SLC4A4: variants seen among roughly 807,000 people sequenced by gnomAD.
SLC4A4 encodes solute carrier family 4 member 4.
A neutral mutation model predicts 111.5 loss-of-function variants in SLC4A4; 27 were observed. The observed-to-expected ratio is 0.24, with a 90% CI of 0.18 to 0.33. SLC4A4 has a LOEUF of 0.33. SLC4A4 is among the 10% of genes least tolerant of loss of function. The pLI, the probability that SLC4A4 is intolerant of heterozygous loss-of-function variation, is 1.00. For missense variants in SLC4A4, 909 were observed against 1,315.5 expected (o/e 0.69, Z 4.78); for synonymous variants, 443 against 463.4 (o/e 0.96, Z 0.57).
intron 14 of SLC4A4, among the ~76,000 whole-genome samples, chr4:71,475,481 G>A (rs1266474737): frequency 6.6e-6 from 1 of 151,890 alleles, no homozygotes; most frequent in Non-Finnish European, 1.5e-5. Context: ...GCTGACATAA[G>A]TGGTGATAGC....
intron 3 of SLC4A4, among the ~76,000 whole-genome samples, chr4:71,308,836 G>A (rs1725906230): frequency 1.3e-5 from 2 of 152,154 alleles, no homozygotes; most frequent in African/African-American, 2.4e-5. Flanking sequence ...TACCCCAGTA[G>A]TTCCTGGAAC....
At chr4:71,432,778 A>T (rs1393773271) in intron 7 of SLC4A4, among the ~76,000 whole-genome samples, 1 of 152,076 alleles carries the variant, frequency 6.6e-6, no homozygotes, top group Admixed American at 6.6e-5. Flanking sequence ...CTTAGGGATT[A>T]GTTCTCATGC....
At chr4:71,089,765 C>G (rs1162029782) in intron 1 of SLC4A4, among the ~76,000 whole-genome samples, 1 of 151,956 alleles carries the variant, frequency 6.6e-6, no homozygotes, top group East Asian at 1.9e-4. Flanking sequence ...GAAATTTTGT[C>G]TCAGAGGAGT....
chr4:71,220,630 A>G (rs1718686057), intron 1 of SLC4A4, among the ~76,000 whole-genome samples: 1 of 152,172 alleles, frequency 6.6e-6, no homozygotes, highest in Non-Finnish European at 1.5e-5. Flanking sequence ...ATCTCAACCC[A>G]TGTGTCACAT....
chr4:71,419,295 G>A (rs1722136415), intron 7 of SLC4A4, among the ~76,000 whole-genome samples: 1 of 152,226 alleles, frequency 6.6e-6, no homozygotes, highest in Non-Finnish European at 1.5e-5. Flanking sequence ...CCTGCCCCCA[G>A]AGGTGGAGCC....
rs369642893 is a variant in SLC4A4 at position 71,078,826 on chromosome 4, G to GT, written c.-64-13894dup. 2.4e-3 allele frequency among the ~76,000 whole-genome samples: 348 copies of GT among 147,746 alleles called. 2 individuals are homozygous for GT. Among genetic ancestry groups the GT allele is most frequent in the Non-Finnish European group, 3.4e-3 (224 of 66,568 alleles). On this transcript the variant is annotated intron_variant, in intron 1 of 26. Coordinates refer to the SLC4A4 transcript ENST00000649996. ...AACAGGTGTTTTTTATTGTTTGTTTGTTTTTTTTTTGAGACAGAGTCTCAC... is the reference window on the plus strand; with the variant it reads ...AACAGGTGTTTTTTATTGTTTGTTTGTTTTTTTTTTTGAGACAGAGTCTCAC...
intron 12 of SLC4A4, among the ~76,000 whole-genome samples, chr4:71,455,320 T>C (rs186803240): frequency 1.3e-5 from 2 of 152,118 alleles, no homozygotes; most frequent in African/African-American, 4.8e-5. Flanking sequence ...AGAGATGAAA[T>C]AGACAGAGCA....
chr4:71,066,727 C>G (rs1560701793), intron 1 of SLC4A4, among the ~76,000 whole-genome samples: 1 of 152,164 alleles, frequency 6.6e-6, no homozygotes, highest in Non-Finnish European at 1.5e-5. Context: ...TTACTACCAG[C>G]TCAGAATCGA....
chr4:71,096,323 T>G (rs1317776219), intron 2 of SLC4A4, among the ~76,000 whole-genome samples: 2 of 152,010 alleles, frequency 1.3e-5, no homozygotes, highest in African/African-American at 4.8e-5. Flanking sequence ...CCAGACGGTA[T>G]GTATAGAGAA....
At chr4:71,513,245 G>A (rs918389296) in intron 16 of SLC4A4, among the ~76,000 whole-genome samples, 1 of 152,018 alleles carries the variant, frequency 6.6e-6, no homozygotes, top group Admixed American at 6.6e-5. Flanking sequence ...CATTTTAATG[G>A]TATTAATGCT....
chr4:71,190,077 G>A (rs538877893), intron 1 of SLC4A4, among the ~76,000 whole-genome samples: 97 of 152,072 alleles, frequency 6.4e-4, no homozygotes, highest in Non-Finnish European at 9.9e-4. Flanking sequence ...TAGCAAAATG[G>A]ATAAAGAACA....
At chr4:71,175,991 C>T (rs1056415086) in intron 2 of SLC4A4, among the ~76,000 whole-genome samples, 1 of 152,150 alleles carries the variant, frequency 6.6e-6, no homozygotes, top group South Asian at 2.1e-4. Flanking sequence ...TTCAGAGGAA[C>T]GATCAGGCAG....
chr4:71,555,756 A>G (rs777851161), intron 21 of SLC4A4, among the ~76,000 whole-genome samples: 2 of 151,946 alleles, frequency 1.3e-5, no homozygotes, highest in Non-Finnish European at 2.9e-5. Context: ...ATCATTATCA[A>G]CTGGGCATGG....
chr4:71,434,312 T>C (rs529850149), intron 7 of SLC4A4: 3 of 152,328 alleles, frequency 2.0e-5, no homozygotes, highest in East Asian at 3.9e-4. Flanking sequence ...GTAAAAAGTA[T>C]AAAACTAACA....
chr4:71,310,958 C>T lies in SLC4A4; in HGVS notation c.254-28412C>T, dbSNP rs553903188. Among the ~76,000 whole-genome samples, 27 of 152,054 alleles carry T rather than the reference C, an allele frequency of 1.8e-4. 1 individual carries two copies. Among genetic ancestry groups the T allele is most frequent in the African/African-American group, 5.1e-4 (21 of 41,474 alleles). On this transcript the variant is annotated intron_variant, in intron 3 of 25. Coordinates refer to ENST00000264485, the MANE Select transcript of SLC4A4 (RefSeq NM_001098484.3). ...CATCTCATGTGCAAAGACACACATACGCTCAAAATAAAGGGATGGAGGAAT... is the reference window on the plus strand; with the variant it reads ...CATCTCATGTGCAAAGACACACATATGCTCAAAATAAAGGGATGGAGGAAT...
intron 18 of SLC4A4, among the ~76,000 whole-genome samples, chr4:71,535,086 T>A (rs1040660976): frequency 1.3e-5 from 2 of 152,100 alleles, no homozygotes; most frequent in Admixed American, 6.6e-5. Context: ...ATATGAATGG[T>A]AACAATAATA....
At chr4:71,354,037 T>G (rs1730075541) in intron 5 of SLC4A4, among the ~76,000 whole-genome samples, 1 of 152,252 alleles carries the variant, frequency 6.6e-6, no homozygotes, top group Non-Finnish European at 1.5e-5. Flanking sequence ...ATAGAAAAAT[T>G]TATCTTTAAA....
intron 16 of SLC4A4, among the ~76,000 whole-genome samples, chr4:71,519,136 C>T (rs1732693881): frequency 6.6e-6 from 1 of 152,140 alleles, no homozygotes; most frequent in Non-Finnish European, 1.5e-5. Context: ...TTAATCAGTG[C>T]CTAGTTGTTC....
At chr4:71,228,666 A>G (rs1287607454) in intron 1 of SLC4A4, among the ~76,000 whole-genome samples, 3 of 152,334 alleles carry the variant, frequency 2.0e-5, no homozygotes, top group Admixed American at 1.3e-4. Flanking sequence ...ACCACCATGT[A>G]GAATAATGTT....
Sources: allele counts gnomAD v4.1 joint callset (sites outside exome capture counted in the v4.1 genomes callset), GRCh38; gene constraint gnomAD v4.1.1; transcripts MANE v1.5; gene names NCBI Gene and HGNC (gene_info 2026-07-23, HGNC 2026-07-21).